SH3RF3: variants seen among roughly 807,000 people sequenced by gnomAD.
The protein encoded by SH3RF3 is SH3 domain containing ring finger 3.
SH3RF3 carries 29 observed loss-of-function variants against 66.3 expected under a neutral mutation model. The ratio of observed to expected loss-of-function variants is 0.44; its 90% CI spans 0.33 to 0.60. The LOEUF (loss-of-function observed/expected upper bound fraction) is 0.60, where lower values mean the gene tolerates loss of function less well. Ranked by LOEUF, SH3RF3 falls within the 20% of genes least tolerant of loss-of-function variation. The pLI, the probability that SH3RF3 is intolerant of heterozygous loss-of-function variation, is 0.04. For missense variants in SH3RF3, 1,194 were observed against 1,190.9 expected, an observed-to-expected ratio of 1.00 and a Z score of -0.04; for synonymous variants, 583 against 532.0, an observed-to-expected ratio of 1.10 and a Z score of -1.32.
At chr2:109,408,540 C>T (rs1208426381) in intron 4 of SH3RF3, among the ~76,000 whole-genome samples, 2 of 152,228 alleles carry the variant, frequency 1.3e-5, no homozygotes, top group Admixed American at 6.5e-5. Context: ...AGGCCGGGTT[C>T]GCTCTCAGGA....
intron 2 of SH3RF3, among the ~76,000 whole-genome samples, chr2:109,356,757 T>C (rs558248095): frequency 5.9e-5 from 9 of 152,344 alleles, no homozygotes; most frequent in Middle Eastern, 3.4e-3. Context: ...CCTGCCCACA[T>C]TGCAGTAACA....
intron 4 of SH3RF3, among the ~76,000 whole-genome samples, chr2:109,405,372 T>G (rs890146259): frequency 2.0e-5 from 3 of 152,162 alleles, no homozygotes; most frequent in African/African-American, 7.2e-5. Flanking sequence ...ACTGACTCCC[T>G]GCCCCTGAGT....
At chr2:109,394,227 G>A (rs1165434566) in intron 3 of SH3RF3, among the ~76,000 whole-genome samples, 1 of 152,228 alleles carries the variant, frequency 6.6e-6, no homozygotes, top group East Asian at 1.9e-4. Context: ...ACCTAAGAAA[G>A]CTGGGGAGAC....
chr2:109,478,388 T>C (rs954784877), intron 8 of SH3RF3, among the ~76,000 whole-genome samples: 3 of 152,226 alleles, frequency 2.0e-5, no homozygotes, highest in Admixed American at 6.5e-5. Context: ...TAAATCAAGA[T>C]GGGCCCTCCA....
chr2:109,137,257 TC>T (rs1289021626), intron 1 of SH3RF3, among the ~76,000 whole-genome samples: 1 of 152,230 alleles, frequency 6.6e-6, no homozygotes, highest in Non-Finnish European at 1.5e-5. Context: ...TCTTCCATAG[TC>T]TAGATTTGCC....
rs114589320 is a variant in SH3RF3 at position 109,501,219 on chromosome 2, G to A, written c.2481-284G>A. ...CAGGAGCGTGGATATGAGATGGGGG[G>A]CTGTGCTTGGGTGGAGAATCTTCAA... On this transcript the variant is annotated intron_variant, in intron 9 of 9. Transcript: ENST00000309415. Among the ~76,000 whole-genome samples the A allele has an allele frequency of 8.6e-3, 1,316 of 152,292 alleles. 32 individuals carry two copies. In the South Asian group the frequency reaches 0.096, roughly 11 times the overall value.
chr2:109,191,595 C>G (rs892339794), intron 1 of SH3RF3, among the ~76,000 whole-genome samples: 57 of 152,282 alleles, frequency 3.7e-4, no homozygotes, highest in Middle Eastern at 3.4e-3. Context: ...GCAGGCATTT[C>G]CCACCCTTTC....
At chr2:109,460,156 A>G (rs1678173649) in intron 8 of SH3RF3, among the ~76,000 whole-genome samples, 1 of 152,228 alleles carries the variant, frequency 6.6e-6, no homozygotes. Context: ...AGTCAGAAGC[A>G]GTGCTGTGTG....
At chr2:109,352,303 C>G (rs1024796110) in intron 2 of SH3RF3, among the ~76,000 whole-genome samples, 4 of 152,178 alleles carry the variant, frequency 2.6e-5, no homozygotes, top group Non-Finnish European at 5.9e-5. Flanking sequence ...AAGTAAGCCT[C>G]CCTCCTAAAG....
At chr2:109,459,205 G>A (rs1287423316) in intron 8 of SH3RF3, among the ~76,000 whole-genome samples, 1 of 152,110 alleles carries the variant, frequency 6.6e-6, no homozygotes, top group Non-Finnish European at 1.5e-5. Context: ...AGATAAGAGA[G>A]AGAAGAAAAC....
chr2:109,446,576 A>G (rs1446571267), intron 7 of SH3RF3, among the ~76,000 whole-genome samples: 1 of 152,108 alleles, frequency 6.6e-6, no homozygotes, highest in African/African-American at 2.4e-5. Context: ...AGAAGGTGGT[A>G]TCTGAGCCTT....
At chr2:109,265,849 G>T (rs1028686856) in intron 1 of SH3RF3, among the ~76,000 whole-genome samples, 2 of 152,228 alleles carry the variant, frequency 1.3e-5, no homozygotes, top group African/African-American at 4.8e-5. Flanking sequence ...GGTCAAGGGG[G>T]TGGACACCAC....
intron 1 of SH3RF3, among the ~76,000 whole-genome samples, chr2:109,159,977 G>A (rs1243674793): frequency 6.6e-6 from 1 of 152,160 alleles, no homozygotes. Context: ...GAAATAAAGT[G>A]CACAATAAAT....
intron 1 of SH3RF3, among the ~76,000 whole-genome samples, chr2:109,177,369 G>C (rs186867507): frequency 4.9e-4 from 75 of 152,314 alleles, no homozygotes; most frequent in African/African-American, 1.5e-3. Flanking sequence ...AACTAACCAG[G>C]CTCTGCCATT....
At chr2:109,354,498 T>C (rs1682905730) in intron 2 of SH3RF3, among the ~76,000 whole-genome samples, 1 of 152,222 alleles carries the variant, frequency 6.6e-6, no homozygotes, top group South Asian at 2.1e-4. Flanking sequence ...TTCCACACAG[T>C]TGACTTAGGA....
At chr2:109,455,151 G>T (rs961443689) in intron 8 of SH3RF3, among the ~76,000 whole-genome samples, 2 of 152,202 alleles carry the variant, frequency 1.3e-5, no homozygotes, top group Non-Finnish European at 2.9e-5. Context: ...TTGGGTCCAA[G>T]TGCTGACTGT....
chr2:109,369,137 G>T (rs1025688074), intron 2 of SH3RF3, among the ~76,000 whole-genome samples: 3 of 151,904 alleles, frequency 2.0e-5, no homozygotes, highest in Admixed American at 2.0e-4. Context: ...GAGGTCAGGG[G>T]ATCGAGACCA....
At chr2:109,163,556 G>A (rs551076837) in intron 1 of SH3RF3, among the ~76,000 whole-genome samples, 278 of 150,954 alleles carry the variant, frequency 1.8e-3, no homozygotes, top group Non-Finnish European at 3.1e-3. Context: ...CCGCCACTAC[G>A]CCCGGCTAAT....
chr2:109,247,648 G>A (rs1679948944), intron 1 of SH3RF3, among the ~76,000 whole-genome samples: 1 of 151,572 alleles, frequency 6.6e-6, no homozygotes, highest in Admixed American at 6.6e-5. Flanking sequence ...CGGACTGGCT[G>A]CGTTAGCTCT....
Sources: gnomAD v4.1 joint callset for allele counts (sites outside exome capture counted in the v4.1 genomes callset) on GRCh38, gnomAD v4.1.1 for gene constraint, MANE v1.5 for transcripts, NCBI Gene and HGNC (gene_info 2026-07-23, HGNC 2026-07-21) for gene names.